PARD3: variants seen among roughly 807,000 people sequenced by gnomAD.
PARD3 encodes the protein par-3 family cell polarity regulator.
PARD3 carries 75 observed loss-of-function variants against 155.4 expected under a neutral mutation model. That is an observed-to-expected ratio of 0.48 (90% CI 0.40 to 0.58). The LOEUF is 0.58. Among genes scored for constraint, PARD3 ranks in the 20% least tolerant of loss-of-function variants. The pLI, the probability that PARD3 is intolerant of heterozygous loss-of-function variation, is 0.00. For missense variants in PARD3, 1,642 were observed against 1,721.7 expected (o/e 0.95, Z 0.82); for synonymous variants, 576 against 610.5 (o/e 0.94, Z 0.83).
chr10:34,257,914 A>C (rs1451534277), intron 22 of PARD3, among the ~76,000 whole-genome samples: 1 of 152,202 alleles, frequency 6.6e-6, no homozygotes, highest in Non-Finnish European at 1.5e-5. Context: ...CTGCATCTCT[A>C]ACTATATTAG....
intron 3 of PARD3, among the ~76,000 whole-genome samples, chr10:34,509,558 G>T (rs1178136972): frequency 6.6e-6 from 1 of 152,028 alleles, no homozygotes; most frequent in Non-Finnish European, 1.5e-5. Flanking sequence ...AGAAGAAAAT[G>T]ATACTCTTAG....
intron 2 of PARD3, among the ~76,000 whole-genome samples, chr10:34,679,673 G>A (rs2093776178): frequency 6.6e-6 from 1 of 152,068 alleles, no homozygotes; most frequent in Admixed American, 6.6e-5. Context: ...GAGGAGGGAG[G>A]GTGTTTTTAT....
chr10:34,254,153 G>A (rs1177055168), intron 22 of PARD3, among the ~76,000 whole-genome samples: 2 of 152,140 alleles, frequency 1.3e-5, no homozygotes, highest in East Asian at 1.9e-4. Context: ...AGGCCAAGGC[G>A]GGTGGATCAC....
intron 1 of PARD3, among the ~76,000 whole-genome samples, chr10:34,714,796 A>T (rs1284031377): frequency 2.7e-5 from 4 of 146,274 alleles, no homozygotes; most frequent in African/African-American, 7.6e-5. Context: ...TTTTTTGGAG[A>T]TGGAGTCTCA....
At chr10:34,329,242 T>C (rs1407033114) in intron 19 of PARD3, among the ~76,000 whole-genome samples, 1 of 152,140 alleles carries the variant, frequency 6.6e-6, no homozygotes, top group African/African-American at 2.4e-5. Flanking sequence ...TCCTGTTACA[T>C]TTGAAATGAG....
chr10:34,265,161 G>A (rs189850203), intron 22 of PARD3, among the ~76,000 whole-genome samples: 7 of 152,250 alleles, frequency 4.6e-5, no homozygotes, highest in East Asian at 1.9e-4. Context: ...TGTTACCCAC[G>A]ACACTAATAA....
At chr10:34,148,372 T>C (rs1457333865) in intron 22 of PARD3, among the ~76,000 whole-genome samples, 2 of 152,198 alleles carry the variant, frequency 1.3e-5, no homozygotes, top group East Asian at 3.8e-4. Flanking sequence ...TTTTCTCATA[T>C]TGTAATGTCT....
chr10:34,318,611 G>T (rs1204570263), intron 19 of PARD3, among the ~76,000 whole-genome samples: 1 of 152,062 alleles, frequency 6.6e-6, no homozygotes, highest in African/African-American at 2.4e-5. Context: ...AGCTAAAAGG[G>T]TCCCAATATC....
chr10:34,591,277 A>G (rs1239517800), intron 2 of PARD3, among the ~76,000 whole-genome samples: 2 of 152,154 alleles, frequency 1.3e-5, no homozygotes, highest in Non-Finnish European at 2.9e-5. Flanking sequence ...AAGGGTCTCC[A>G]TTACCCAGCT....
At position 34,814,871 on chromosome 10, in the gene PARD3, C is replaced by T. The variant is rs1844719106; in HGVS notation, c.120+5G>A. 2 of 1,514,100 alleles carry T rather than the reference C, an allele frequency of 1.3e-6. No homozygotes were observed. Among genetic ancestry groups the T allele is most frequent in the Non-Finnish European group, 1.8e-6 (2 of 1,128,994 alleles). 93.8% of individuals were successfully genotyped at this position (1,514,100 alleles called of 1,614,324 possible). A position where few individuals can be genotyped will look rare whatever the true frequency, so the allele number is the denominator to read the frequency against. On this transcript the variant is annotated splice_donor_5th_base_variant and intron_variant, in intron 1 of 24. Transcript: ENST00000374788. Reference sequence around the variant, plus strand: ...CCCTCCCCGCCCGCGCCCCCGGCCCCTCACCTTGGCGATGGCCTTCCGGTA... The same window carrying T: ...CCCTCCCCGCCCGCGCCCCCGGCCCTTCACCTTGGCGATGGCCTTCCGGTA...
At chr10:34,481,291 G>C (rs1455625370) in intron 3 of PARD3, among the ~76,000 whole-genome samples, 4 of 151,946 alleles carry the variant, frequency 2.6e-5, no homozygotes. Context: ...TGTGTGTTCA[G>C]GGACTCCTTT....
At chr10:34,370,227 AG>A (rs1263392559) in intron 12 of PARD3, among the ~76,000 whole-genome samples, 6 of 152,230 alleles carry the variant, frequency 3.9e-5, no homozygotes, top group African/African-American at 1.4e-4. Context: ...ACTAGAAGTC[AG>A]ACACATGTAA....
chr10:34,722,636 C>T (rs1590817836), intron 1 of PARD3, among the ~76,000 whole-genome samples: 3 of 152,190 alleles, frequency 2.0e-5, no homozygotes, highest in Admixed American at 2.0e-4. Context: ...CGCACACTTG[C>T]CCCACAATCT....
chr10:34,343,565 T>C, intron 15 of PARD3: 1 of 985,352 alleles, frequency 1.0e-6, no homozygotes, highest in South Asian at 4.7e-5. Flanking sequence ...AAACCCATAT[T>C]TTCCACTTCT....
intron 2 of PARD3, among the ~76,000 whole-genome samples, chr10:34,583,593 G>T (rs1045600935): frequency 2.0e-5 from 3 of 151,976 alleles, no homozygotes; most frequent in African/African-American, 7.3e-5. Flanking sequence ...CTAAATTGAG[G>T]AAATGAGGCC....
At chr10:34,804,864 TTG>T (rs1161849578) in intron 1 of PARD3, among the ~76,000 whole-genome samples, 1 of 152,218 alleles carries the variant, frequency 6.6e-6, no homozygotes, top group Non-Finnish European at 1.5e-5. Context: ...ACTCCTTTCT[TTG>T]TGTTTTTAAT....
At chr10:34,712,397 C>T (rs1242236813) in intron 1 of PARD3, among the ~76,000 whole-genome samples, 1 of 152,228 alleles carries the variant, frequency 6.6e-6, no homozygotes, top group Non-Finnish European at 1.5e-5. Context: ...GCTGCGCCCA[C>T]CTCCTAATCC....
In PARD3 at chr10:34,169,304, A is replaced by T. The variant is rs145559129; in HGVS notation, c.3420-37721T>A. Among the ~76,000 whole-genome samples the T allele has an allele frequency of 3.9e-3, 601 of 152,350 alleles. 7 individuals carry two copies. Among genetic ancestry groups the T allele is most frequent in the African/African-American group, 0.013 (550 of 41,592 alleles). On this transcript the variant is annotated intron_variant, in intron 22 of 24. Transcript: ENST00000374788. ...ATAAAATATAGAGCACAGTGAAAGA[A>T]TAAGTTCCGTTTTCCATGATGGTGA...
At chr10:34,481,587 A>T (rs192275953) in intron 3 of PARD3, among the ~76,000 whole-genome samples, 13 of 152,252 alleles carry the variant, frequency 8.5e-5, no homozygotes, top group Admixed American at 7.8e-4. Flanking sequence ...CCACCCAGAG[A>T]GCAAATGGAA....
Sources: allele counts gnomAD v4.1 joint callset (sites outside exome capture counted in the v4.1 genomes callset), GRCh38; gene constraint gnomAD v4.1.1; transcripts MANE v1.5; gene names NCBI Gene and HGNC (gene_info 2026-07-23, HGNC 2026-07-21).